MPPED2: variants seen among roughly 807,000 people sequenced by gnomAD.
MPPED2 encodes the protein metallophosphoesterase domain containing 2.
Under a neutral mutation model 33.0 loss-of-function variants are expected in MPPED2, and 5 were observed. The ratio of observed to expected loss-of-function variants is 0.15; its 90% CI spans 0.08 to 0.32. MPPED2 has a LOEUF of 0.32. MPPED2 is among the 10% of genes least tolerant of loss of function. The pLI, the probability that MPPED2 is intolerant of heterozygous loss-of-function variation, is 1.00. For synonymous variants in MPPED2, 136 were observed against 141.9 expected, an observed-to-expected ratio of 0.96 and a Z score of 0.29; for missense variants, 275 against 372.1, an observed-to-expected ratio of 0.74 and a Z score of 2.15.
intron 2 of MPPED2, among the ~76,000 whole-genome samples, chr11:30,573,126 T>A (rs115122287): frequency 8.5e-5 from 13 of 152,304 alleles, no homozygotes; most frequent in African/African-American, 3.1e-4. Flanking sequence ...ATGAGCTGCA[T>A]AATGACATTT....
chr11:30,530,556 C>T (rs550608524), intron 3 of MPPED2, among the ~76,000 whole-genome samples: 2 of 152,272 alleles, frequency 1.3e-5, no homozygotes, highest in South Asian at 4.1e-4. Context: ...GATGAGTTCT[C>T]CTAGAGACGG....
At chr11:30,494,595 G>A (rs999341602) in intron 4 of MPPED2, among the ~76,000 whole-genome samples, 3 of 151,754 alleles carry the variant, frequency 2.0e-5, no homozygotes, top group Non-Finnish European at 2.9e-5. Flanking sequence ...AAAATTAGCC[G>A]GGTACAGTGG....
In MPPED2 at chr11:30,388,831, A is replaced by G. The variant is rs1947733889; in HGVS notation, c.*58T>C. On this transcript the variant is annotated 3_prime_UTR_variant, in exon 7 of 7. Coordinates refer to the MPPED2 transcript ENST00000448418. ...TTGATTCATGCCAGGATTGTAGCTCACACAATGCTAATTCATCAGATCATC... is the reference window on the plus strand; with the variant it reads ...TTGATTCATGCCAGGATTGTAGCTCGCACAATGCTAATTCATCAGATCATC... 3 of 1,489,612 alleles carry G rather than the reference A, an allele frequency of 2.0e-6. No homozygotes were observed. The Admixed American group carries it at 6.6e-5, about 33-fold the overall frequency. 92.3% of individuals were successfully genotyped at this position (1,489,612 alleles called of 1,614,324 possible). A position where few individuals can be genotyped will look rare whatever the true frequency, so the allele number is the denominator to read the frequency against.
At chr11:30,512,247 C>T (rs1953250506) in intron 3 of MPPED2, among the ~76,000 whole-genome samples, 1 of 152,106 alleles carries the variant, frequency 6.6e-6, no homozygotes, top group Admixed American at 6.5e-5. Flanking sequence ...TCTACTTGGC[C>T]ACCATTGACT....
At chr11:30,398,980 C>A (rs1166325412) in intron 6 of MPPED2, among the ~76,000 whole-genome samples, 1 of 152,042 alleles carries the variant, frequency 6.6e-6, no homozygotes, top group East Asian at 1.9e-4. Flanking sequence ...TTATAAGGAG[C>A]TAATTGTTTG....
At chr11:30,496,871 T>C (rs1952287961) in intron 3 of MPPED2, among the ~76,000 whole-genome samples, 1 of 144,560 alleles carries the variant, frequency 6.9e-6, no homozygotes, top group Admixed American at 7.2e-5. Flanking sequence ...TGCCAAACCA[T>C]GTTTTGTATA....
At chr11:30,417,809 A>G (rs1006867694) in intron 4 of MPPED2, among the ~76,000 whole-genome samples, 176 bp from the exon 5 acceptor site, 1 of 152,186 alleles carries the variant, frequency 6.6e-6, no homozygotes, top group African/African-American at 2.4e-5. Context: ...TCCATTTGAA[A>G]GTAAGCGTGG....
At chr11:30,499,501 T>C (rs575026705) in intron 3 of MPPED2, among the ~76,000 whole-genome samples, 36 of 152,294 alleles carry the variant, frequency 2.4e-4, no homozygotes, top group Non-Finnish European at 3.5e-4. Flanking sequence ...AATTTGCAAA[T>C]TGGCCTCTTA....
intron 3 of MPPED2, among the ~76,000 whole-genome samples, chr11:30,519,949 G>A (rs1322498593): frequency 6.6e-6 from 1 of 152,124 alleles, no homozygotes; most frequent in Non-Finnish European, 1.5e-5. Flanking sequence ...TCCTAACATT[G>A]TTCTCAACAT....
chr11:30,504,679 C>A, intron 3 of MPPED2: 2 of 869,840 alleles, frequency 2.3e-6, no homozygotes, highest in Admixed American at 2.4e-5. Flanking sequence ...TCAGTCTGTC[C>A]CCCGTCAGGC....
At chr11:30,505,238 T>G (rs1952766945) in intron 3 of MPPED2, among the ~76,000 whole-genome samples, 1 of 152,204 alleles carries the variant, frequency 6.6e-6, no homozygotes, top group Non-Finnish European at 1.5e-5. Context: ...TAAGCATTCT[T>G]GCCTCAACCA....
chr11:30,500,794 A>G (rs1205080898), intron 3 of MPPED2, among the ~76,000 whole-genome samples: 2 of 152,206 alleles, frequency 1.3e-5, no homozygotes, highest in Non-Finnish European at 2.9e-5. Context: ...CTAGTCCCGT[A>G]TCTTCAAAAT....
At chr11:30,484,405 A>G (rs577493261) in intron 4 of MPPED2, among the ~76,000 whole-genome samples, 123 of 152,214 alleles carry the variant, frequency 8.1e-4, no homozygotes, top group Admixed American at 1.8e-3. Context: ...GATTTTTTAT[A>G]TTTAAGCAAA....
rs140981878 is a variant in MPPED2 at position 30,456,551 on chromosome 11, CGTGTGTGTGT to C, written c.536+38735_536+38744del. Among the ~76,000 whole-genome samples the C allele has an allele frequency of 4.6e-5, 7 of 150,948 alleles. No homozygotes were observed. The East Asian group carries it at 5.8e-4, about 13-fold the overall frequency. On this transcript the variant is annotated intron_variant, in intron 4 of 6. Transcript: ENST00000358117. ...GTTTCTCCCCAATCCTGTGTGTGTG[CGTGTGTGTGT>C]GTGTCTGTGTGTGTGTAGTACAGGA...
chr11:30,397,017 A>G (rs1479899832), intron 6 of MPPED2, among the ~76,000 whole-genome samples: 2 of 152,054 alleles, frequency 1.3e-5, no homozygotes, highest in Non-Finnish European at 2.9e-5. Context: ...TTATTGTCAC[A>G]TTTTCAAGGC....
chr11:30,445,146 T>C (rs985251666), intron 4 of MPPED2, among the ~76,000 whole-genome samples: 14 of 151,414 alleles, frequency 9.2e-5, no homozygotes, highest in Non-Finnish European at 1.9e-4. Flanking sequence ...GAAAAAAAAA[T>C]AAAGAGAGCA....
At chr11:30,417,471 G>GA (rs376718462) in intron 5 of MPPED2, 47 bp downstream of exon 5, 94 of 1,078,462 alleles carry the variant, frequency 8.7e-5, no homozygotes, top group Admixed American at 4.4e-4. Flanking sequence ...ATTATGCCTG[G>GA]AAAAAAAGGC....
intron 2 of MPPED2, among the ~76,000 whole-genome samples, chr11:30,574,366 C>T (rs932971323): frequency 1.3e-5 from 2 of 152,130 alleles, no homozygotes; most frequent in Non-Finnish European, 2.9e-5. Context: ...AGACTAGGAG[C>T]AATAGGCTAT....
chr11:30,512,605 C>A (rs578248875), intron 3 of MPPED2, among the ~76,000 whole-genome samples: 3 of 152,302 alleles, frequency 2.0e-5, no homozygotes, highest in South Asian at 4.1e-4. Context: ...TGCCCCAGAA[C>A]CGGGATTGTA....
Sources: allele counts gnomAD v4.1 joint callset (sites outside exome capture counted in the v4.1 genomes callset), GRCh38; gene constraint gnomAD v4.1.1; transcripts MANE v1.5; gene names NCBI Gene and HGNC (gene_info 2026-07-23, HGNC 2026-07-21).